The following STARD13 variants were observed in gnomAD, a reference collection of about 807,000 sequenced individuals.
STARD13 encodes StAR related lipid transfer domain containing 13, also known as stAR-related lipid transfer protein 13.
In STARD13, 62 loss-of-function variants were observed where a neutral mutation model predicts 106.4. That is an observed-to-expected ratio of 0.58 (90% CI 0.48 to 0.72). The LOEUF (loss-of-function observed/expected upper bound fraction) is 0.72, where lower values mean the gene tolerates loss of function less well. Ranked by LOEUF, STARD13 falls within the 30% of genes least tolerant of loss-of-function variation. The pLI, the probability that STARD13 is intolerant of heterozygous loss-of-function variation, is 0.00. For synonymous variants in STARD13, 565 were observed against 553.0 expected, an observed-to-expected ratio of 1.02 and a Z score of -0.31; for missense variants, 1,387 against 1,424.0, an observed-to-expected ratio of 0.97 and a Z score of 0.42.
At chr13:33,375,658 T>A in the STARD13 span, among the ~76,000 whole-genome samples, 33 of 152,152 alleles carry the variant, frequency 2.2e-4, no homozygotes, top group African/African-American at 7.9e-4. Flanking sequence ...TATAAAACCA[T>A]CAGATTTCGT....
the STARD13 span, among the ~76,000 whole-genome samples, chr13:33,409,663 C>CA: frequency 6.6e-6 from 1 of 152,142 alleles, no homozygotes; most frequent in Non-Finnish European, 1.5e-5. Context: ...TGTGAGGGTA[C>CA]ATTTCTCCCC....
the STARD13 span, among the ~76,000 whole-genome samples, chr13:33,389,265 G>T: frequency 6.6e-6 from 1 of 152,042 alleles, no homozygotes; most frequent in Non-Finnish European, 1.5e-5. Flanking sequence ...GCCTCTTGAG[G>T]TTAGTGGTCC....
intron 4 of STARD13, among the ~76,000 whole-genome samples, chr13:33,142,028 C>T (rs183355496): frequency 4.6e-5 from 7 of 152,192 alleles, no homozygotes; most frequent in Non-Finnish European, 7.4e-5. Context: ...CTTAGGTTCA[C>T]GTTGCTTTTT....
In STARD13 at chr13:33,229,379, A is replaced by G. The variant is rs1463649990; in HGVS notation, c.169+56091T>C. On this transcript the variant is annotated intron_variant, in intron 1 of 13. Transcript: ENST00000336934. ...AACTTAAGAGGAAAGAGGGCAACTTAAAGCAAAACACTTAACATATTCGAT... is the reference window on the plus strand; with the variant it reads ...AACTTAAGAGGAAAGAGGGCAACTTGAAGCAAAACACTTAACATATTCGAT... Among the ~76,000 whole-genome samples the G allele has an allele frequency of 3.3e-5, 5 of 152,346 alleles. No individual in the cohort carries two copies. The East Asian group carries it at 7.7e-4, about 24-fold the overall frequency.
intron 1 of STARD13, among the ~76,000 whole-genome samples, chr13:33,190,150 T>G (rs1327209216): frequency 6.6e-6 from 1 of 152,150 alleles, no homozygotes; most frequent in Non-Finnish European, 1.5e-5. Flanking sequence ...GTTAAAAATA[T>G]TTTAAGGATA....
the STARD13 span, among the ~76,000 whole-genome samples, chr13:33,593,303 G>A: frequency 2.0e-5 from 3 of 152,064 alleles, no homozygotes; most frequent in African/African-American, 7.2e-5. Context: ...TCCTGCCTCA[G>A]CCTCCGGAGT....
the STARD13 span, among the ~76,000 whole-genome samples, chr13:33,571,913 C>T: frequency 6.6e-6 from 1 of 152,154 alleles, no homozygotes; most frequent in African/African-American, 2.4e-5. Context: ...AACCCCACTG[C>T]AAGGATAGCT....
At chr13:33,598,128 A>G in the STARD13 span, among the ~76,000 whole-genome samples, 2 of 152,120 alleles carry the variant, frequency 1.3e-5, no homozygotes, top group Non-Finnish European at 2.9e-5. Flanking sequence ...CCTAATGTCA[A>G]TGTCCTTTTT....
chr13:33,590,883 T>G, the STARD13 span, among the ~76,000 whole-genome samples: 3 of 152,236 alleles, frequency 2.0e-5, no homozygotes, highest in African/African-American at 7.2e-5. Context: ...TAAGTTTTTT[T>G]TAACATATCT....
At chr13:33,641,378 A>T in the STARD13 span, among the ~76,000 whole-genome samples, 1 of 152,156 alleles carries the variant, frequency 6.6e-6, no homozygotes, top group Non-Finnish European at 1.5e-5. Context: ...GCCACCACAC[A>T]CAGCTCAGGT....
the STARD13 span, among the ~76,000 whole-genome samples, chr13:33,400,621 C>A: frequency 6.6e-6 from 1 of 152,152 alleles, no homozygotes; most frequent in Admixed American, 6.6e-5. Flanking sequence ...CCACCATGCC[C>A]AGCTAATTTT....
At chr13:33,115,014 C>T (rs116979954) in intron 8 of STARD13, among the ~76,000 whole-genome samples, 2,839 of 152,110 alleles carry the variant, frequency 0.019, 30 homozygotes, top group South Asian at 0.027. Flanking sequence ...TATGGGGGAT[C>T]CTGGCACCTC....
chr13:33,313,975 T>C (rs772358559), intron 1 of STARD13, among the ~76,000 whole-genome samples: 19 of 152,194 alleles, frequency 1.2e-4, no homozygotes, highest in Non-Finnish European at 2.6e-4. Context: ...TTTGATATGA[T>C]AGTTAGGTAC....
chr13:33,146,317 C>T (rs1880536290), intron 3 of STARD13, among the ~76,000 whole-genome samples: 1 of 151,070 alleles, frequency 6.6e-6, no homozygotes, highest in Admixed American at 6.6e-5. Context: ...GAGTGAAACT[C>T]CATCTCAAAA....
the STARD13 span, among the ~76,000 whole-genome samples, chr13:33,543,965 C>T: frequency 6.6e-6 from 1 of 152,146 alleles, no homozygotes; most frequent in African/African-American, 2.4e-5. Flanking sequence ...AAACTAAACC[C>T]TAGAACCAGT....
chr13:33,533,090 C>T, the STARD13 span, among the ~76,000 whole-genome samples: 6 of 152,112 alleles, frequency 3.9e-5, no homozygotes, highest in Admixed American at 1.3e-4. Flanking sequence ...CTGGAGATTC[C>T]AGGCAGAGGA....
intron 1 of STARD13, among the ~76,000 whole-genome samples, chr13:33,191,217 C>T (rs1886235936): frequency 6.6e-6 from 1 of 152,144 alleles, no homozygotes; most frequent in African/African-American, 2.4e-5. Flanking sequence ...AGTTAACTAA[C>T]TTCTGAATGC....
Position 33,106,835 on chromosome 13 carries a change from C to T in STARD13, c.3147G>A (p.Val1049=), listed in dbSNP as rs1190192844. Reference sequence around the variant, plus strand: ...GTTCTATCAAGTACTGCGAGTCCATCACCACTGCTCGCACACCACCCAGGA... The same window carrying T: ...GTTCTATCAAGTACTGCGAGTCCATTACCACTGCTCGCACACCACCCAGGA... ...AQLLGGVRAV[V]MDSQYLIEPC... is the part of the protein sequence containing the mutation. Residue 1049 remains valine (V), a synonymous_variant, in exon 13 of 14, where the codon GTG becomes GTA. Coordinates refer to ENST00000336934, the MANE Select transcript of STARD13 (RefSeq NM_178006.4). 4 of 1,614,056 alleles carry T rather than the reference C, an allele frequency of 2.5e-6. No homozygotes were observed. Among genetic ancestry groups the T allele is most frequent in the Non-Finnish European group, 3.4e-6 (4 of 1,180,008 alleles).
In STARD13 at chr13:33,209,215, A is replaced by G. The variant is rs1187849753; in HGVS notation, c.170-41593T>C. ...ACAACCTAGAGCTGTGCAGTGTACAACCTACGCAAATGTATATGGTGTCTC... is the reference window on the plus strand; with the variant it reads ...ACAACCTAGAGCTGTGCAGTGTACAGCCTACGCAAATGTATATGGTGTCTC... On this transcript the variant is annotated intron_variant, in intron 1 of 13. Transcript: ENST00000336934. 2.6e-5 allele frequency among the ~76,000 whole-genome samples: 4 copies of G among 152,174 alleles called. No individual in the cohort carries two copies. In the East Asian group the frequency reaches 7.7e-4, roughly 29 times the overall value.
Sources: gnomAD v4.1 joint callset for allele counts (sites outside exome capture counted in the v4.1 genomes callset) on GRCh38, gnomAD v4.1.1 for gene constraint, MANE v1.5 for transcripts, NCBI Gene and HGNC (gene_info 2026-07-23, HGNC 2026-07-21) for gene names.